Variants in SUPT7L observed in about 807,000 individuals in gnomAD.
The protein encoded by SUPT7L is STAGA complex 65 subunit gamma.
In SUPT7L, 15 loss-of-function variants were observed where a neutral mutation model predicts 35.7. The observed-to-expected ratio is 0.42, with a 90% CI of 0.28 to 0.65. SUPT7L has a LOEUF of 0.65. SUPT7L is among the 30% of genes least tolerant of loss of function. The pLI is 0.23. For missense variants in SUPT7L, 434 were observed against 522.2 expected (o/e 0.83, Z 1.65); for synonymous variants, 168 against 186.2 (o/e 0.90, Z 0.79).
rs1203698973 is a variant in SUPT7L, at chr2:27,651,265, A to C, written c.*2220T>G. 2.0e-5 allele frequency: 3 copies of C among 152,356 alleles called. No individual in the cohort carries two copies. In the East Asian group the frequency reaches 5.8e-4, roughly 29 times the overall value. The allele number at this position is 152,356 out of a possible 1,614,324, so 9.4% of individuals were successfully genotyped here. A position where few individuals can be genotyped will look rare whatever the true frequency, so the allele number is the denominator to read the frequency against. On this transcript the variant is annotated 3_prime_UTR_variant, in exon 6 of 6. Coordinates refer to ENST00000337768, the MANE Select transcript of SUPT7L (RefSeq NM_014860.3). ...CAGGAGCATCAGCATCATCTGGGGA[A>C]TTGTTCAACTTACCTCTTATAACCT...
At chr2:27,660,686 C>T (rs1297650621) in intron 3 of SUPT7L, among the ~76,000 whole-genome samples, 1 of 152,088 alleles carries the variant, frequency 6.6e-6, no homozygotes, top group East Asian at 1.9e-4. Context: ...AATAGAAAGA[C>T]TAGATCCTAA....
chr2:27,650,244 T>C (rs1460530337), downstream of SUPT7L: 2 of 1,152,438 alleles, frequency 1.7e-6, no homozygotes, highest in Non-Finnish European at 2.6e-6. Context: ...TCCAGAATTT[T>C]GGACCTCCAC....
Position 27,657,636 on chromosome 2 carries a change from C to T in SUPT7L, c.453G>A (p.Trp151Ter), listed in dbSNP as rs141161184. ...GGTAGAGGAGCTGCCGACAGGAGTG[C>T]CAGCTGAGTTCAGTCACAGGTTCCC... is the stretch of plus-strand genomic sequence containing the variant. ...GKGEPVTELSWHSCRQLLYQA... is the reference protein window; with the variant it reads ...GKGEPVTELS Residue 151 changes from tryptophan (W) to a stop codon, truncating the protein, a stop_gained, in exon 4 of 6, where the codon TGG becomes TGA. Coordinates refer to ENST00000337768, the MANE Select transcript of SUPT7L (RefSeq NM_014860.3). LOFTEE classifies it high-confidence loss of function. The surrounding 1 kb of genome is among the most constrained non-coding windows in gnomAD (Gnocchi z 5.2). The T allele has an allele frequency of 1.9e-6, 3 of 1,613,818 alleles. No individual in the cohort carries two copies. The highest frequency in any genetic ancestry group is 2.5e-6 in the Non-Finnish European group (3 of 1,179,788).
chr2:27,662,953 T>TC (rs2148125863), intron 1 of SUPT7L, among the ~76,000 whole-genome samples: 1 of 136,954 alleles, frequency 7.3e-6, no homozygotes, highest in African/African-American at 2.7e-5. Context: ...ATTTTTTCTT[T>TC]TTTTTTTTTT....
chr2:27,653,784 A>G, intron 5 of SUPT7L, 37 bp from the exon 6 acceptor site: 5 of 1,612,912 alleles, frequency 3.1e-6, no homozygotes, highest in Non-Finnish European at 4.2e-6. Flanking sequence ...CACCAAGTGT[A>G]TATGTGTAGC....
At chr2:27,648,443 C>G (rs965468614), downstream of SUPT7L, among the ~76,000 whole-genome samples, 5 of 152,028 alleles carry the variant, frequency 3.3e-5, no homozygotes, top group African/African-American at 1.2e-4. Flanking sequence ...TGCTTGAGCC[C>G]AGAAGTTTGA....
In SUPT7L at chr2:27,651,752, A is replaced by C. The variant is rs1447064385; in HGVS notation, c.*1733T>G. The C allele has an allele frequency of 6.6e-6, 1 of 152,208 alleles. No individual in the cohort carries two copies. The highest frequency in any genetic ancestry group is 1.5e-5 in the Non-Finnish European group (1 of 68,044). 9.4% of individuals were successfully genotyped at this position (152,208 alleles called of 1,614,324 possible). On this transcript the variant is annotated 3_prime_UTR_variant, in exon 6 of 6. Transcript: ENST00000337768. ...AGGACCTAGCAAATAATTGGTACTC[A>C]ATGTTTGCTGGATGAATGAACTAAA...
chr2:27,646,576 C>T (rs570320974), downstream of SUPT7L, among the ~76,000 whole-genome samples: 4 of 152,226 alleles, frequency 2.6e-5, no homozygotes, highest in East Asian at 5.8e-4. Context: ...CTTCCACCCC[C>T]ACCCCTGTAT....
At chr2:27,648,040 T>C, downstream of SUPT7L, 1 of 711,836 alleles carries the variant, frequency 1.4e-6, no homozygotes. Context: ...TAGCCAGTAA[T>C]AGTGGATAAA....
the SUPT7L span, among the ~76,000 whole-genome samples, chr2:27,643,554 TC>T: frequency 6.6e-6 from 1 of 152,200 alleles, no homozygotes; most frequent in East Asian, 1.9e-4. This position sits in a 1 kb window ranked among gnomAD's most constrained non-coding sequence, Gnocchi z 4.0. Context: ...TGTAGCCATT[TC>T]CCCATGATAG....
chr2:27,653,576 T>C lies in SUPT7L; in HGVS notation c.1154A>G (p.Asp385Gly). The change falls in exon 6 of 6, where the codon GAT becomes GGT. Residue 385 changes from aspartate (D) to glycine (G), a missense_variant. Physicochemically the swap from Asp to Gly is moderately conservative, Grantham distance 94. Transcript: ENST00000337768. ...AGIPQSPDDS[D>G]SSYGSHSTDS... The stretch of plus-strand genomic sequence containing the variant: ...AGTGGAGTGGGAACCATAGCTGCTA[T>C]CTGAGTCATCAGGGCTCTGAGGAAT... 2 of 1,614,238 alleles carry C rather than the reference T, an allele frequency of 1.2e-6. No individual in the cohort carries two copies. Among genetic ancestry groups the C allele is most frequent in the Non-Finnish European group, 1.7e-6 (2 of 1,180,050 alleles).
chr2:27,658,055 A>C (rs759993570), intron 3 of SUPT7L, among the ~76,000 whole-genome samples: 10 of 152,242 alleles, frequency 6.6e-5, no homozygotes, highest in Non-Finnish European at 1.2e-4. Flanking sequence ...GTTTTCATAC[A>C]TGCTGGGCAA....
the SUPT7L span, among the ~76,000 whole-genome samples, chr2:27,642,958 T>TATATACACACAC: frequency 4.0e-4 from 49 of 122,658 alleles, 1 homozygote; most frequent in South Asian, 2.8e-3. Context: ...TATATATATA[T>TATATACACACAC]ACACACACAC....
downstream of SUPT7L, chr2:27,647,904 G>A (rs1674316856): frequency 6.2e-7 from 1 of 1,613,442 alleles, no homozygotes; most frequent in Non-Finnish European, 8.5e-7. Context: ...TGAAGAGGAT[G>A]AGGAAGCAGA....
Position 27,662,018 on chromosome 2 carries a change from CCCTT to C in SUPT7L, c.14+157_14+160del, listed in dbSNP as rs1572983128. 4 of 905,144 alleles carry C rather than the reference CCCTT, an allele frequency of 4.4e-6. No homozygotes were observed. In the East Asian group the frequency reaches 1.1e-4, roughly 24 times the overall value. The allele number at this position is 905,144 out of a possible 1,614,324, so 56.1% of individuals were successfully genotyped here. A position where few individuals can be genotyped will look rare whatever the true frequency, so the allele number is the denominator to read the frequency against. On this transcript the variant is annotated intron_variant, in intron 2 of 5. Transcript: ENST00000337768. ...ATTTCTGCTGCCTTCTAACTGGTAT[CCCTT>C]CCTCCAATCTCTCTTTGTATGTCAT...
In SUPT7L at chr2:27,653,386, A is replaced by G; in HGVS notation, c.*99T>C. The G allele has an allele frequency of 6.7e-7, 1 of 1,486,548 alleles. No homozygotes were observed. Among genetic ancestry groups the G allele is most frequent in the Non-Finnish European group, 9.0e-7 (1 of 1,115,866 alleles). 92.1% of individuals were successfully genotyped at this position (1,486,548 alleles called of 1,614,324 possible). On this transcript the variant is annotated 3_prime_UTR_variant, in exon 6 of 6. Coordinates refer to ENST00000337768, the MANE Select transcript of SUPT7L (RefSeq NM_014860.3). ...TTAGGAAAAACCACTTGTGTTTAAG[A>G]ACAGGAGTCAAATCAATTTTTAAGG...
rs776415557 is a variant in SUPT7L at position 27,651,199 on chromosome 2, A to C, written c.*2286T>G. On this transcript the variant is annotated 3_prime_UTR_variant, in exon 6 of 6. Coordinates refer to ENST00000337768, the MANE Select transcript of SUPT7L (RefSeq NM_014860.3). ...ATTTCTTTCAAAGAATTTTATCTCT[A>C]TGAGTCAGTACTCCAACTTAGTGGT... 1.3e-5 allele frequency: 2 copies of C among 152,312 alleles called. No individual in the cohort carries two copies. The highest frequency in any genetic ancestry group is 2.9e-5 in the Non-Finnish European group (2 of 68,042). The allele number at this position is 152,312 out of a possible 1,614,324, so 9.4% of individuals were successfully genotyped here. A position where few individuals can be genotyped will look rare whatever the true frequency, so the allele number is the denominator to read the frequency against.
In SUPT7L at chr2:27,653,252, G is replaced by T; in HGVS notation, c.*233C>A. 1.8e-6 allele frequency: 1 copy of T among 549,698 alleles called. No homozygotes were observed. Among genetic ancestry groups the T allele is most frequent in the Non-Finnish European group, 3.2e-6 (1 of 311,894 alleles). The allele number at this position is 549,698 out of a possible 1,614,324, so 34.1% of individuals were successfully genotyped here. ...GACAGTGCTTTGGTCTGATTGCCAT[G>T]CCAGCATCATATTTTATCTGTGAAG... is the stretch of plus-strand genomic sequence containing the variant. On this transcript the variant is annotated 3_prime_UTR_variant, in exon 6 of 6. Coordinates refer to ENST00000337768, the MANE Select transcript of SUPT7L (RefSeq NM_014860.3).
downstream of SUPT7L, chr2:27,650,208 T>C (rs762088394): frequency 1.1e-5 from 17 of 1,511,506 alleles, no homozygotes; most frequent in Admixed American, 2.3e-4. Flanking sequence ...TAGGAGACTT[T>C]AGCACACTTC....
Sources: gnomAD v4.1 joint callset for allele counts (sites outside exome capture counted in the v4.1 genomes callset) on GRCh38, gnomAD v4.1.1 for gene constraint, Gnocchi (gnomAD v3.1) non-coding constraint, MANE v1.5 for transcripts, NCBI Gene and HGNC (gene_info 2026-07-23, HGNC 2026-07-21) for gene names.